The following CBFB variants were observed in gnomAD, a reference collection of about 807,000 sequenced individuals.
CBFB encodes the protein CBF-beta.
Under a neutral mutation model 30.4 loss-of-function variants are expected in CBFB, and 9 were observed. That is an observed-to-expected ratio of 0.30 (90% confidence interval 0.18 to 0.52). CBFB has a LOEUF of 0.52. CBFB is among the 20% of genes least tolerant of loss of function. CBFB has a pLI of 0.97. For synonymous variants in CBFB, 94 were observed against 84.0 expected, an observed-to-expected ratio of 1.12 and a Z score of -0.65; for missense variants, 170 against 244.0, an observed-to-expected ratio of 0.70 and a Z score of 2.02.
intron 3 of CBFB, among the ~76,000 whole-genome samples, chr16:67,048,815 TTTTTTTTC>T (rs1389366310): frequency 2.9e-4 from 41 of 140,242 alleles, no homozygotes; most frequent in South Asian, 6.9e-4. Flanking sequence ...AGCCTTTTTT[TTTTTTTTC>T]TTTTTTTTTT....
chr16:67,032,134 T>C (rs1458171031), intron 2 of CBFB, among the ~76,000 whole-genome samples: 1 of 152,200 alleles, frequency 6.6e-6, no homozygotes, highest in African/African-American at 2.4e-5. Flanking sequence ...TCTGAAATGC[T>C]GTAATATTAT....
At chr16:67,033,650 C>T (rs1281204308) in intron 2 of CBFB, among the ~76,000 whole-genome samples, 26 of 146,998 alleles carry the variant, frequency 1.8e-4, no homozygotes, top group African/African-American at 2.8e-4. Context: ...CTTGCTCTGT[C>T]GCCCAGGCTG....
At chr16:67,056,351 G>A (rs1362249077) in intron 3 of CBFB, among the ~76,000 whole-genome samples, 1 of 152,178 alleles carries the variant, frequency 6.6e-6, no homozygotes, top group Non-Finnish European at 1.5e-5. Flanking sequence ...TGAAGATGAT[G>A]TCTGAACAGA....
chr16:67,079,705 A>G (rs1000861669), intron 4 of CBFB, among the ~76,000 whole-genome samples: 4 of 152,104 alleles, frequency 2.6e-5, no homozygotes, highest in Non-Finnish European at 4.4e-5. Context: ...TGGAAGCCCC[A>G]TTAGGTGACT....
At chr16:67,073,869 A>T (rs1822943819) in intron 4 of CBFB, among the ~76,000 whole-genome samples, 2 of 151,974 alleles carry the variant, frequency 1.3e-5, no homozygotes, top group Admixed American at 1.3e-4. Context: ...AACCCGTCTC[A>T]ACCAAAACTA....
At chr16:67,056,203 C>T (rs1244780513) in intron 3 of CBFB, among the ~76,000 whole-genome samples, 1 of 152,134 alleles carries the variant, frequency 6.6e-6, no homozygotes, top group Non-Finnish European at 1.5e-5. Flanking sequence ...TGTTAAAGTG[C>T]AGTCTAGTAT....
Position 67,099,617 on chromosome 16 carries a change from A to G in CBFB, c.*839A>G, listed in dbSNP as rs1962160858. On this transcript the variant is annotated 3_prime_UTR_variant, in exon 6 of 6. Coordinates refer to ENST00000412916, the MANE Select transcript of CBFB (RefSeq NM_022845.3). ...TTGTTTTAGCTTCTGTTCTGTAATCATGAGTTTGGTTGGAGATATTCTCCA... is the reference window on the plus strand; with the variant it reads ...TTGTTTTAGCTTCTGTTCTGTAATCGTGAGTTTGGTTGGAGATATTCTCCA... 9.9e-6 allele frequency: 2 copies of G among 201,956 alleles called. No individual in the cohort carries two copies. The highest frequency in any genetic ancestry group is 1.9e-4 in the South Asian group (1 of 5,240). 12.5% of individuals were successfully genotyped at this position (201,956 alleles called of 1,614,324 possible). A position where few individuals can be genotyped will look rare whatever the true frequency, so the allele number is the denominator to read the frequency against.
At chr16:67,039,987 A>C (rs888647384) in intron 3 of CBFB, among the ~76,000 whole-genome samples, 2 of 152,120 alleles carry the variant, frequency 1.3e-5, no homozygotes, top group African/African-American at 4.8e-5. Context: ...CTTCTGTACT[A>C]CTTTTTTTCT....
chr16:67,065,174 C>T (rs1961018604), intron 3 of CBFB, among the ~76,000 whole-genome samples: 1 of 152,222 alleles, frequency 6.6e-6, no homozygotes, highest in Admixed American at 6.5e-5. Context: ...GCCGGGATTA[C>T]AGGCATCAGC....
At chr16:67,046,062 T>C (rs1310201151) in intron 3 of CBFB, among the ~76,000 whole-genome samples, 1 of 149,786 alleles carries the variant, frequency 6.7e-6, no homozygotes, top group East Asian at 2.0e-4. Flanking sequence ...TCCCAAAGTG[T>C]TGGGATTATA....
chr16:67,076,426 A>G (rs1191578729), intron 4 of CBFB, among the ~76,000 whole-genome samples: 3 of 152,194 alleles, frequency 2.0e-5, no homozygotes, highest in Non-Finnish European at 4.4e-5. Context: ...TGTTATATGA[A>G]TCGATTTATG....
chr16:67,036,539 G>C (rs1029142568), intron 2 of CBFB, 100 bp from the exon 3 acceptor site: 1 of 713,572 alleles, frequency 1.4e-6, no homozygotes, highest in Non-Finnish European at 2.6e-6. Flanking sequence ...TCTCTGTGCT[G>C]CCTGGCTTAA....
At chr16:67,082,357 A>G (rs780036097) in intron 5 of CBFB, 49 bp downstream of exon 5, 2 of 1,603,796 alleles carry the variant, frequency 1.2e-6, no homozygotes, top group Non-Finnish European at 1.7e-6. Context: ...CTTTCCCCCA[A>G]ACTCTCAGGC....
At chr16:67,041,003 G>A (rs1393738782) in intron 3 of CBFB, among the ~76,000 whole-genome samples, 9 of 152,212 alleles carry the variant, frequency 5.9e-5, no homozygotes, top group Admixed American at 5.9e-4. Flanking sequence ...AGTTGTAGTA[G>A]ATGAAATCAG....
At position 67,082,121 on chromosome 16, in the gene CBFB, T is replaced by G. The variant is rs1961574184; in HGVS notation, c.400-92T>G. ...GGCGTGAGCCACTGCGCCCGGCCAC[T>G]GTTTCAGGAAAAAAAAAAAAAAAAC... is the stretch of plus-strand genomic sequence containing the variant. On this transcript the variant is annotated intron_variant, in intron 4 of 5. Coordinates refer to ENST00000412916, the MANE Select transcript of CBFB (RefSeq NM_022845.3). 5.6e-6 allele frequency: 6 copies of G among 1,077,716 alleles called. No individual in the cohort carries two copies. The Admixed American group carries it at 1.5e-4, about 26-fold the overall frequency. The allele number at this position is 1,077,716 out of a possible 1,614,324, so 66.8% of individuals were successfully genotyped here.
At chr16:67,085,834 T>C (rs970867289) in intron 5 of CBFB, among the ~76,000 whole-genome samples, 57 of 151,720 alleles carry the variant, frequency 3.8e-4, no homozygotes, top group East Asian at 9.7e-4. Context: ...CCCGCCACCA[T>C]GCCCGGCTAA....
Position 67,100,362 on chromosome 16 carries a change from CAAAT to C in CBFB, c.*1588_*1591del, listed in dbSNP as rs1479295325. On this transcript the variant is annotated 3_prime_UTR_variant, in exon 6 of 6. Coordinates refer to ENST00000412916, the MANE Select transcript of CBFB (RefSeq NM_022845.3). ...TATTTCATAAACAGATATCCTGTAT[CAAAT>C]AAAAGTATTTGTTATATATTTGAAG... The C allele has an allele frequency of 9.0e-6, 2 of 221,154 alleles. No individual in the cohort carries two copies. The highest frequency in any genetic ancestry group is 4.5e-5 in the African/African-American group (2 of 44,622). The allele number at this position is 221,154 out of a possible 1,614,324, so 13.7% of individuals were successfully genotyped here. A position where few individuals can be genotyped will look rare whatever the true frequency, so the allele number is the denominator to read the frequency against.
At chr16:67,090,082 T>A (rs1961839530) in intron 5 of CBFB, among the ~76,000 whole-genome samples, 2 of 152,216 alleles carry the variant, frequency 1.3e-5, no homozygotes, top group Admixed American at 6.6e-5. Flanking sequence ...AAACAACCAG[T>A]AAAGGATTTT....
chr16:67,069,796 G>A (rs1055320859), intron 4 of CBFB, among the ~76,000 whole-genome samples: 3 of 152,230 alleles, frequency 2.0e-5, no homozygotes, highest in African/African-American at 7.2e-5. Context: ...AGGCTAGAAA[G>A]TTGTGGGATG....
Sources: gnomAD v4.1 joint callset for allele counts (sites outside exome capture counted in the v4.1 genomes callset) on GRCh38, gnomAD v4.1.1 for gene constraint, MANE v1.5 for transcripts, NCBI Gene and HGNC (gene_info 2026-07-23, HGNC 2026-07-21) for gene names.